ATAD2B: variants seen among roughly 807,000 people sequenced by gnomAD.
ATAD2B encodes ATPase family AAA domain-containing protein 2B.
In ATAD2B, 40 loss-of-function variants were observed where a neutral mutation model predicts 167.6. That is an observed-to-expected ratio of 0.24 (90% CI 0.19 to 0.31). ATAD2B has a LOEUF of 0.31. Ranked by LOEUF, ATAD2B falls within the 10% of genes least tolerant of loss-of-function variation. The probability of loss-of-function intolerance (pLI) is 1.00; values close to 1 mark genes in which losing one functional copy is unlikely to be tolerated. For missense variants in ATAD2B, 1,242 were observed against 1,757.2 expected (o/e 0.71, Z 5.24); for synonymous variants, 579 against 596.5 (o/e 0.97, Z 0.43).
At chr2:23,883,935 G>A (rs1698322867) in intron 6 of ATAD2B, among the ~76,000 whole-genome samples, 1 of 152,112 alleles carries the variant, frequency 6.6e-6, no homozygotes, top group Non-Finnish European at 1.5e-5. Context: ...CCAGAGGTCA[G>A]GAGTTCAACA....
chr2:23,888,104 G>A, intron 3 of ATAD2B, 119 bp from the exon 4 acceptor site: 1 of 805,700 alleles, frequency 1.2e-6, no homozygotes, highest in Non-Finnish European at 1.8e-6. Context: ...CTTTTTAAAT[G>A]GCTTTAATAG....
chr2:23,863,075 A>T (rs570879463), intron 12 of ATAD2B, among the ~76,000 whole-genome samples: 3 of 152,290 alleles, frequency 2.0e-5, no homozygotes, highest in Admixed American at 2.0e-4. Flanking sequence ...AAATATTCTC[A>T]GCAGGCAGAT....
the ATAD2B span, chr2:23,697,543 C>T: frequency 6.6e-6 from 1 of 152,316 alleles, no homozygotes; most frequent in African/African-American, 2.4e-5. Context: ...TATGAAGCCA[C>T]ACATACCCCT....
the ATAD2B span, among the ~76,000 whole-genome samples, chr2:23,685,905 A>G: frequency 6.6e-6 from 1 of 152,192 alleles, no homozygotes; most frequent in Non-Finnish European, 1.5e-5. Context: ...CAAACCAGCT[A>G]GAGAGGACAG....
At chr2:23,804,522 T>G (rs1212574855) in intron 18 of ATAD2B, among the ~76,000 whole-genome samples, 2 of 152,040 alleles carry the variant, frequency 1.3e-5, no homozygotes, top group Non-Finnish European at 2.9e-5. Context: ...ATAGTGAGTT[T>G]TCATTGTTTT....
At chr2:23,907,160 A>G (rs1462593243) in intron 1 of ATAD2B, among the ~76,000 whole-genome samples, 1 of 151,926 alleles carries the variant, frequency 6.6e-6, no homozygotes, top group Non-Finnish European at 1.5e-5. Context: ...TTCAATTAGG[A>G]AAAGAGGAAG....
chr2:23,812,308 C>CA (rs61415389), intron 17 of ATAD2B, among the ~76,000 whole-genome samples: 110,983 of 140,726 alleles, frequency 0.79, 43,726 homozygotes, highest in East Asian at 0.93. Flanking sequence ...CTATTCACTG[C>CA]AAAAAAAAAA....
At chr2:23,887,272 G>A (rs1370259894) in intron 4 of ATAD2B, among the ~76,000 whole-genome samples, 1 of 152,082 alleles carries the variant, frequency 6.6e-6, no homozygotes, top group Non-Finnish European at 1.5e-5. Flanking sequence ...ATGCTGCCGT[G>A]ACTGGTCTTG....
the ATAD2B span, chr2:23,696,617 A>G: frequency 3.2e-6 from 3 of 933,024 alleles, no homozygotes; most frequent in African/African-American, 1.7e-5. This position sits in a 1 kb window ranked among gnomAD's most constrained non-coding sequence, Gnocchi z 5.5. Context: ...GCGATGGAGC[A>G]GAGCCTGGAC....
In ATAD2B at chr2:23,852,110, T is replaced by G. The variant is rs527942644; in HGVS notation, c.1568+5305A>C. Among the ~76,000 whole-genome samples, 5 of 152,276 alleles carry G rather than the reference T, an allele frequency of 3.3e-5. No individual in the cohort carries two copies. In the East Asian group the frequency reaches 9.6e-4, roughly 29 times the overall value. ...CTAACAAAACTGACCTAAGAATAAA[T>G]AGAAAACTTGAACAGCCCTGTATCA... is the stretch of plus-strand genomic sequence containing the variant. On this transcript the variant is annotated intron_variant, in intron 13 of 27. Transcript: ENST00000238789.
chr2:23,830,353 C>CG (rs2149714420), intron 14 of ATAD2B, among the ~76,000 whole-genome samples: 1 of 152,226 alleles, frequency 6.6e-6, no homozygotes, highest in South Asian at 2.1e-4. Context: ...CCACCACCAA[C>CG]GGTAAGATCA....
chr2:23,738,383 G>C, the ATAD2B span, among the ~76,000 whole-genome samples: 1 of 152,140 alleles, frequency 6.6e-6, no homozygotes, highest in East Asian at 1.9e-4. Flanking sequence ...GAAGAGAGTG[G>C]GGACCAATAT....
chr2:23,819,655 G>T, intron 17 of ATAD2B, 92 bp downstream of exon 17: 2 of 1,053,192 alleles, frequency 1.9e-6, no homozygotes, highest in Non-Finnish European at 2.6e-6. Context: ...TATCCTCACA[G>T]TTATAACCAT....
At chr2:23,904,059 A>C (rs917353826) in intron 1 of ATAD2B, among the ~76,000 whole-genome samples, 1 of 152,088 alleles carries the variant, frequency 6.6e-6, no homozygotes, top group Non-Finnish European at 1.5e-5. Flanking sequence ...TTATAGCCAG[A>C]AATCTAAGGA....
chr2:23,839,652 T>G (rs1337446325), intron 13 of ATAD2B, among the ~76,000 whole-genome samples: 1 of 152,134 alleles, frequency 6.6e-6, no homozygotes, highest in East Asian at 1.9e-4. Context: ...CCAATCTGTT[T>G]AGGATTTTTA....
chr2:23,702,755 C>T, the ATAD2B span, among the ~76,000 whole-genome samples: 1 of 152,198 alleles, frequency 6.6e-6, no homozygotes, highest in Non-Finnish European at 1.5e-5. Flanking sequence ...GCCTTCCCCA[C>T]GAGGCCATAA....
chr2:23,857,527 AT>A, intron 12 of ATAD2B, 24 bp from the exon 13 acceptor site: 1 of 1,082,432 alleles, frequency 9.2e-7, no homozygotes, highest in Non-Finnish European at 1.3e-6. Context: ...AACAAATAAT[AT>A]TTATTGTATT....
At chr2:23,759,017 T>C (rs567251062) in intron 24 of ATAD2B, among the ~76,000 whole-genome samples, 12 of 152,280 alleles carry the variant, frequency 7.9e-5, no homozygotes, top group African/African-American at 2.4e-4. Context: ...GTCTACCTCA[T>C]TGTCCCTTAA....
the ATAD2B span, among the ~76,000 whole-genome samples, chr2:23,678,525 CG>C: frequency 2.6e-5 from 4 of 152,160 alleles, no homozygotes; most frequent in Non-Finnish European, 4.4e-5. Context: ...ACATTTAGAC[CG>C]GCCAGTCTCT....
Sources: allele counts gnomAD v4.1 joint callset (sites outside exome capture counted in the v4.1 genomes callset), GRCh38; gene constraint gnomAD v4.1.1; non-coding constraint Gnocchi (gnomAD v3.1); transcripts MANE v1.5; gene names NCBI Gene and HGNC (gene_info 2026-07-23, HGNC 2026-07-21).